Variants in GNAQ observed in about 807,000 individuals in gnomAD.
GNAQ encodes the protein G protein subunit alpha q.
Under a neutral mutation model 43.9 loss-of-function variants are expected in GNAQ, and 8 were observed. That is an observed-to-expected ratio of 0.18 (90% CI 0.11 to 0.33). The LOEUF (loss-of-function observed/expected upper bound fraction) is 0.33, where lower values mean the gene tolerates loss of function less well. GNAQ is among the 10% of genes least tolerant of loss of function. The pLI, the probability that GNAQ is intolerant of heterozygous loss-of-function variation, is 1.00. For missense variants in GNAQ, 158 were observed against 450.8 expected (o/e 0.35, Z 5.88); for synonymous variants, 155 against 170.7 (o/e 0.91, Z 0.71).
intron 3 of GNAQ, among the ~76,000 whole-genome samples, chr9:77,808,376 C>A (rs1418857535): frequency 6.7e-6 from 1 of 149,196 alleles, no homozygotes; most frequent in African/African-American, 2.5e-5. Context: ...TGTTGTTTTA[C>A]CAAAGATTGG....
intron 1 of GNAQ, among the ~76,000 whole-genome samples, chr9:77,967,468 T>C (rs1823182758): frequency 6.6e-6 from 1 of 152,104 alleles, no homozygotes; most frequent in Non-Finnish European, 1.5e-5. Context: ...TTCCCCTCCT[T>C]AGCCACTCGA....
At chr9:77,957,372 AC>A (rs1392511672) in intron 1 of GNAQ, among the ~76,000 whole-genome samples, 15 of 150,590 alleles carry the variant, frequency 1.0e-4, no homozygotes, top group Admixed American at 2.0e-4. Context: ...AAACAAAAAA[AC>A]AAAAACAAAA....
At chr9:77,964,213 A>C (rs908082749) in intron 1 of GNAQ, among the ~76,000 whole-genome samples, 11 of 152,366 alleles carry the variant, frequency 7.2e-5, no homozygotes, top group Admixed American at 5.9e-4. Context: ...TAACTTATCG[A>C]AAGGACATAA....
chr9:77,855,887 G>A, intron 2 of GNAQ, among the ~76,000 whole-genome samples: 1 of 151,988 alleles, frequency 6.6e-6, no homozygotes, highest in African/African-American at 2.4e-5. Flanking sequence ...TTTTAATTTA[G>A]TTCTTATATT....
intron 2 of GNAQ, among the ~76,000 whole-genome samples, chr9:77,907,292 T>C (rs557072236): frequency 6.6e-6 from 1 of 152,116 alleles, no homozygotes; most frequent in South Asian, 2.1e-4. Context: ...GATATCGCCA[T>C]GGGAAATGGT....
intron 1 of GNAQ, among the ~76,000 whole-genome samples, chr9:77,925,681 G>A (rs759567942): frequency 1.9e-4 from 29 of 152,084 alleles, no homozygotes; most frequent in South Asian, 6.2e-4. Context: ...AAAGTTTCAC[G>A]TAAGAAAAAT....
chr9:77,952,041 G>A (rs372112794), intron 1 of GNAQ, among the ~76,000 whole-genome samples: 1 of 152,142 alleles, frequency 6.6e-6, no homozygotes, highest in Non-Finnish European at 1.5e-5. Context: ...GGATAATCAT[G>A]AGTGGGCAAA....
intron 2 of GNAQ, among the ~76,000 whole-genome samples, chr9:77,884,907 T>A (rs1467614062): frequency 6.6e-6 from 1 of 152,220 alleles, no homozygotes; most frequent in Non-Finnish European, 1.5e-5. Context: ...AAGAAAGTAC[T>A]ATTCTCCTTT....
intron 2 of GNAQ, among the ~76,000 whole-genome samples, chr9:77,859,271 C>T (rs150790380): frequency 6.3e-4 from 96 of 152,220 alleles, no homozygotes; most frequent in African/African-American, 2.1e-3. Flanking sequence ...AACCCAGAAA[C>T]GAAGAGCTAA....
At chr9:77,949,483 GT>G (rs995990081) in intron 1 of GNAQ, among the ~76,000 whole-genome samples, 133 of 152,284 alleles carry the variant, frequency 8.7e-4, no homozygotes, top group African/African-American at 3.1e-3. Context: ...TATGAACTTG[GT>G]TAGCATGGAC....
At chr9:77,813,049 A>C (rs1315585756) in intron 3 of GNAQ, among the ~76,000 whole-genome samples, 1 of 151,924 alleles carries the variant, frequency 6.6e-6, no homozygotes, top group African/African-American at 2.4e-5. Context: ...AGTAGCTAGG[A>C]CTACAGGCGC....
chr9:77,814,347 C>A (rs1366756044), intron 3 of GNAQ, among the ~76,000 whole-genome samples: 1 of 151,886 alleles, frequency 6.6e-6, no homozygotes, highest in Non-Finnish European at 1.5e-5. Context: ...ATGAGAAGAA[C>A]TATATGAAGG....
chr9:77,773,084 C>T (rs751477951), intron 5 of GNAQ, among the ~76,000 whole-genome samples: 5 of 152,188 alleles, frequency 3.3e-5, no homozygotes, highest in Non-Finnish European at 2.9e-5. Flanking sequence ...ATATTGTTTT[C>T]AGTCCCTTTT....
intron 5 of GNAQ, among the ~76,000 whole-genome samples, chr9:77,767,331 T>C (rs1175897290): frequency 1.3e-5 from 2 of 152,136 alleles, no homozygotes; most frequent in East Asian, 1.9e-4. Context: ...CACCCCCTAA[T>C]TGTGAGAACC....
chr9:77,841,163 A>G (rs1827484005), intron 2 of GNAQ, among the ~76,000 whole-genome samples: 6 of 151,220 alleles, frequency 4.0e-5, no homozygotes, highest in Non-Finnish European at 8.8e-5. Context: ...GAATTTTCGT[A>G]ATATTTTCTG....
chr9:78,013,389 T>C (rs1300998824), intron 1 of GNAQ, among the ~76,000 whole-genome samples: 2 of 152,020 alleles, frequency 1.3e-5, no homozygotes, highest in African/African-American at 4.8e-5. Context: ...TGTATACATG[T>C]ACCGTGTTGG....
chr9:77,935,967 G>A (rs956207482), intron 1 of GNAQ, among the ~76,000 whole-genome samples: 1 of 152,128 alleles, frequency 6.6e-6, no homozygotes, highest in Non-Finnish European at 1.5e-5. Context: ...GCAAAGGGAA[G>A]GATCTCTTTG....
intron 2 of GNAQ, among the ~76,000 whole-genome samples, chr9:77,857,396 T>A (rs1294747788): frequency 6.6e-6 from 1 of 152,036 alleles, no homozygotes; most frequent in Non-Finnish European, 1.5e-5. Context: ...TTTGTTTAAC[T>A]TGCAGGGATC....
intron 2 of GNAQ, among the ~76,000 whole-genome samples, chr9:77,834,955 A>G (rs921589549): frequency 6.6e-6 from 1 of 152,218 alleles, no homozygotes; most frequent in African/African-American, 2.4e-5. Context: ...TTTGATCAGC[A>G]CAACATATTA....
Sources: allele counts gnomAD v4.1 joint callset (sites outside exome capture counted in the v4.1 genomes callset), GRCh38; gene constraint gnomAD v4.1.1; transcripts MANE v1.5; gene names NCBI Gene and HGNC (gene_info 2026-07-23, HGNC 2026-07-21).